Variants in FGFR4 observed in about 807,000 individuals in gnomAD.
FGFR4 encodes fibroblast growth factor receptor 4.
In FGFR4, 63 loss-of-function variants were observed where a neutral mutation model predicts 89.9. The observed-to-expected ratio is 0.70, with a 90% CI of 0.57 to 0.86. The LOEUF (loss-of-function observed/expected upper bound fraction) is 0.86, where lower values mean the gene tolerates loss of function less well. Among genes scored for constraint, FGFR4 ranks in the 40% least tolerant of loss-of-function variants. The pLI, the probability that FGFR4 is intolerant of heterozygous loss-of-function variation, is 0.00. For missense variants in FGFR4, 928 were observed against 1,106.7 expected (o/e 0.84, Z 2.29); for synonymous variants, 486 against 479.4 (o/e 1.01, Z -0.18).
rs1784590793 is a variant in FGFR4, at chr5:177,096,869, T to TTCCTCTTCCTCC, written c.2153+134_2153+145dup. On this transcript the variant is annotated intron_variant, in intron 16 of 17. Coordinates refer to ENST00000292408, the MANE Select transcript of FGFR4 (RefSeq NM_213647.3). ...ACAACTCCTCGTCCTCCTCCTCCTCTTCCTCTTCCTCCTCCTCCTCTTCCT... is the reference window on the plus strand; with the variant it reads ...ACAACTCCTCGTCCTCCTCCTCCTCTTCCTCTTCCTCCTCCTCTTCCTCCTCCTCCTCTTCCT... The TTCCTCTTCCTCC allele has an allele frequency of 1.0e-4, 52 of 517,396 alleles. 1 individual carries two copies. Among genetic ancestry groups the TTCCTCTTCCTCC allele is most frequent in the East Asian group, 3.3e-4 (6 of 18,170 alleles). The allele number at this position is 517,396 out of a possible 1,614,324, so 32.1% of individuals were successfully genotyped here.
In FGFR4 at chr5:177,092,400, G is replaced by T. The variant is rs1398499714; in HGVS notation, c.807G>T (p.Leu269=). 1.2e-6 allele frequency: 2 copies of T among 1,608,610 alleles called. No homozygotes were observed. The highest frequency in any genetic ancestry group is 1.7e-5 in the Admixed American group (1 of 59,570). The change falls in exon 7 of 18, where the codon CTG becomes CTT. Residue 269 remains leucine, a synonymous_variant. Coordinates refer to ENST00000292408, the MANE Select transcript of FGFR4 (RefSeq NM_213647.3). The part of the protein sequence containing the change: ...TTAVVGSDVE[L]LCKVYSDAQP... The stretch of plus-strand genomic sequence containing the variant: ...CCGTGGTGGGCAGCGACGTGGAGCT[G>T]CTGTGCAAGGTGTACAGCGATGCCC...
At chr5:177,091,351 G>A (rs1286873474) in intron 5 of FGFR4, among the ~76,000 whole-genome samples, 2 of 152,196 alleles carry the variant, frequency 1.3e-5, no homozygotes, top group Admixed American at 6.5e-5. Context: ...TGGTTGGTCT[G>A]CATAAGCCTT....
intron 8 of FGFR4, 66 bp downstream of exon 8, chr5:177,092,850 C>G (rs1341428495): frequency 6.2e-7 from 1 of 1,611,008 alleles, no homozygotes; most frequent in South Asian, 1.1e-5. Flanking sequence ...GGGGCTGTGG[C>G]CTGTTGGGTG....
chr5:177,089,599 G>A lies in FGFR4; in HGVS notation c.-4G>A, dbSNP rs371365984. On this transcript the variant is annotated 5_prime_UTR_variant, in exon 2 of 18. Transcript: ENST00000292408. ...CTTGGGTCCCTGAGAGCTGTGAGAA[G>A]GAGATGCGGCTGCTGCTGGCCCTGT... The A allele has an allele frequency of 1.7e-5, 28 of 1,613,048 alleles. No homozygotes were observed. The highest frequency in any genetic ancestry group is 2.3e-5 in the Non-Finnish European group (27 of 1,179,536).
At chr5:177,089,504 AC>A in intron 1 of FGFR4, 45 bp from the exon 2 acceptor site, 2 of 1,483,388 alleles carry the variant, frequency 1.3e-6, no homozygotes, top group Non-Finnish European at 1.8e-6. Context: ...AAAAGCCCCC[AC>A]AAAGGTGCAC....
chr5:177,090,415 G>A lies in FGFR4; in HGVS notation c.117G>A (p.Glu39=), dbSNP rs1353646935. 1 of 1,603,642 alleles carries A rather than the reference G, an allele frequency of 6.2e-7. No homozygotes were observed. The highest frequency in any genetic ancestry group is 1.3e-5 in the African/African-American group (1 of 74,930). The change falls in exon 3 of 18, where the codon GAG becomes GAA. Residue 39 remains glutamate (E), a synonymous_variant. Transcript: ENST00000292408. ...ELEPCLAPSL[E]QQEQELTVAL... ...AGCCCTGCCTGGCTCCCAGCCTGGA[G>A]CAGCAAGAGCAGGAGCTGACAGTAG... is the stretch of plus-strand genomic sequence containing the variant.
At position 177,093,152 on chromosome 5, in the gene FGFR4, T is replaced by A. The variant is rs1784426394; in HGVS notation, c.1072T>A (p.Trp358Arg). 2 of 1,613,946 alleles carry A rather than the reference T, an allele frequency of 1.2e-6. No individual in the cohort carries two copies. The highest frequency in any genetic ancestry group is 1.7e-6 in the Non-Finnish European group (2 of 1,180,006). ...TGCGAGGGCAGAGGAGGACCCCACA[T>A]GGACCGCAGCAGCGCCCGAGGCCAG... The part of the protein sequence containing the change: ...LTVLPEEDPT[W>R]TAAAPEARYT... The change falls in exon 9 of 18, where the codon TGG becomes AGG. Residue 358 changes from tryptophan to arginine, a missense_variant. By Grantham distance (101) the Trp-to-Arg change is moderately radical. Transcript: ENST00000292408. The surrounding 1 kb of genome is among the most constrained non-coding windows in gnomAD (Gnocchi z 5.8).
Position 177,091,766 on chromosome 5 carries a change from G to T in FGFR4, c.685G>T (p.Ala229Ser). The change falls in exon 6 of 18, where the codon GCT becomes TCT. Residue 229 changes from alanine (A) to serine (S), a missense_variant. Physicochemically the swap from Ala to Ser is moderately conservative, Grantham distance 99. Coordinates refer to ENST00000292408, the MANE Select transcript of FGFR4 (RefSeq NM_213647.3). ...RGTYTCLVEN[A>S]VGSIRYNYLL... ...CACATACACCTGCCTGGTAGAGAAC[G>T]CTGTGGGCAGCATCCGCTATAACTA... 1 of 1,614,228 alleles carries T rather than the reference G, an allele frequency of 6.2e-7. No individual in the cohort carries two copies. The highest frequency in any genetic ancestry group is 8.5e-7 in the Non-Finnish European group (1 of 1,180,036).
chr5:177,091,436 G>A (rs1293983632), intron 5 of FGFR4, among the ~76,000 whole-genome samples: 1 of 152,230 alleles, frequency 6.6e-6, no homozygotes, highest in African/African-American at 2.4e-5. Flanking sequence ...CTCAGAGAAG[G>A]CAAGGGTTGG....
rs766121173 is a variant in FGFR4, at chr5:177,095,625, G to A, written c.1723G>A (p.Asp575Asn). The A allele has an allele frequency of 7.1e-5, 114 of 1,605,376 alleles. No homozygotes were observed. Among genetic ancestry groups the A allele is most frequent in the Non-Finnish European group, 8.9e-5 (105 of 1,177,236 alleles). ...CCCCCCAGGCCCCGACCTCAGCCCC[G>A]ACGGTCCTCGGAGCAGTGAGGGGCC... ...RRPPGPDLSP[D>N]GPRSSEGPLS... Residue 575 changes from aspartate (D) to asparagine (N), a missense_variant, in exon 13 of 18, where the codon GAC (aspartate) becomes AAC (asparagine). Transcript: ENST00000292408. This position sits in a 1 kb window ranked among gnomAD's most constrained non-coding sequence, Gnocchi z 5.7.
At position 177,097,620 on chromosome 5, in the gene FGFR4, G is replaced by A. The variant is rs931274193; in HGVS notation, c.2353G>A (p.Asp785Asn). 8 of 1,614,176 alleles carry A rather than the reference G, an allele frequency of 5.0e-6. No individual in the cohort carries two copies. In the East Asian group the frequency reaches 8.9e-5, roughly 18 times the overall value. The change falls in exon 18 of 18, where the codon GAC (aspartate) becomes AAC (asparagine). Residue 785 changes from aspartate to asparagine, a missense_variant. Physicochemically the swap from Asp to Asn is conservative, Grantham distance 23. This residue lies in a region of FGFR4 where 129 missense variants were observed against 150.8 expected (regional missense o/e 0.86). Coordinates refer to ENST00000292408, the MANE Select transcript of FGFR4 (RefSeq NM_213647.3). ...CSSSDSVFSH[D>N]PLPLGSSSFP... is the part of the protein sequence containing the mutation. ...CTCCAGCGATTCTGTCTTCAGCCAC[G>A]ACCCCCTGCCATTGGGATCCAGCTC...
At position 177,095,246 on chromosome 5, in the gene FGFR4, G is replaced by C. The variant is rs1448138779; in HGVS notation, c.1520-84G>C. Reference sequence around the variant, plus strand: ...CCTAGACCTACGTAGCCCTGGTCCAGTGCTGCTTGTCCTGCACCTGCCTCT... The same window carrying C: ...CCTAGACCTACGTAGCCCTGGTCCACTGCTGCTTGTCCTGCACCTGCCTCT... On this transcript the variant is annotated intron_variant, in intron 11 of 17. Transcript: ENST00000292408. This position sits in a 1 kb window ranked among gnomAD's most constrained non-coding sequence, Gnocchi z 5.7. 3 of 1,154,972 alleles carry C rather than the reference G, an allele frequency of 2.6e-6. No individual in the cohort carries two copies. Among genetic ancestry groups the C allele is most frequent in the Non-Finnish European group, 3.9e-6 (3 of 766,400 alleles). The allele number at this position is 1,154,972 out of a possible 1,614,324, so 71.5% of individuals were successfully genotyped here.
rs918116825 is a variant in FGFR4, at chr5:177,095,022, C to T, written c.1520-308C>T. On this transcript the variant is annotated intron_variant, in intron 11 of 17. Transcript: ENST00000292408. The surrounding 1 kb of genome is among the most constrained non-coding windows in gnomAD (Gnocchi z 5.7). ...GCAGCTTCCTTCCTTCCTTCCTGCT[C>T]CGAGCTCTTCCCCTCTCTCCTGTGT... 4 of 353,310 alleles carry T rather than the reference C, an allele frequency of 1.1e-5. No individual in the cohort carries two copies. Among genetic ancestry groups the T allele is most frequent in the Admixed American group, 3.8e-5 (1 of 26,506 alleles). 21.9% of individuals were successfully genotyped at this position (353,310 alleles called of 1,614,324 possible). A position where few individuals can be genotyped will look rare whatever the true frequency, so the allele number is the denominator to read the frequency against.
rs772907196 is a variant in FGFR4 at position 177,093,823 on chromosome 5, T to C, written c.1519+48T>C. The C allele has an allele frequency of 1.3e-6, 2 of 1,577,218 alleles. No homozygotes were observed. The highest frequency in any genetic ancestry group is 1.7e-6 in the Non-Finnish European group (2 of 1,155,894). On this transcript the variant is annotated intron_variant, in intron 11 of 17. Coordinates refer to ENST00000292408, the MANE Select transcript of FGFR4 (RefSeq NM_213647.3). The surrounding 1 kb of genome is among the most constrained non-coding windows in gnomAD (Gnocchi z 5.8). ...GCTCACACCTGTAACGCCAGCACTT[T>C]AGGAGGCTGAGGGTGGGAGGATCGC...
intron 1 of FGFR4, chr5:177,088,098 G>A: frequency 6.4e-6 from 1 of 155,442 alleles, no homozygotes; most frequent in Non-Finnish European, 1.4e-5. Context: ...TGTCGCCCAG[G>A]CTGGAGTGCA....
intron 2 of FGFR4, 190 bp from the exon 3 acceptor site, chr5:177,090,200 C>G (rs1387360699): frequency 1.3e-6 from 1 of 765,442 alleles, no homozygotes; most frequent in Non-Finnish European, 2.3e-6. Flanking sequence ...TGTGACATGC[C>G]CCAAGAGTGT....
In FGFR4 at chr5:177,095,956, A is replaced by G. The variant is rs1784544628; in HGVS notation, c.1822-101A>G. The G allele has an allele frequency of 1.4e-6, 2 of 1,472,912 alleles. No individual in the cohort carries two copies. The highest frequency in any genetic ancestry group is 1.8e-6 in the Non-Finnish European group (2 of 1,101,376). 91.2% of individuals were successfully genotyped at this position (1,472,912 alleles called of 1,614,324 possible). ...TCTAAACCTTGACCTCCTCCTCTGT[A>G]AAGTGGGTGGAGGGCCCCTGCCCCC... On this transcript the variant is annotated intron_variant, in intron 13 of 17. Transcript: ENST00000292408. This position sits in a 1 kb window ranked among gnomAD's most constrained non-coding sequence, Gnocchi z 5.7.
chr5:177,092,909 A>G (rs1784418904), intron 8 of FGFR4, 125 bp downstream of exon 8: 2 of 1,496,560 alleles, frequency 1.3e-6, no homozygotes, highest in African/African-American at 2.8e-5. Context: ...CAGTGTGTGG[A>G]TTTGTGGGTT....
At chr5:177,096,424 G>A (rs1234046747) in intron 15 of FGFR4, 67 bp downstream of exon 15, 1 of 1,591,872 alleles carries the variant, frequency 6.3e-7, no homozygotes, top group African/African-American at 1.3e-5. Flanking sequence ...AAGTCACGTG[G>A]CCCCAGGAGT....
Sources: gnomAD v4.1 joint callset for allele counts (sites outside exome capture counted in the v4.1 genomes callset) on GRCh38, gnomAD v4.1.1 for gene constraint, gnomAD v4.1.1 regional missense constraint, Gnocchi (gnomAD v3.1) non-coding constraint, MANE v1.5 for transcripts, NCBI Gene and HGNC (gene_info 2026-07-23, HGNC 2026-07-21) for gene names.